Variants in PLA2G7 observed in about 807,000 individuals in gnomAD.
The protein encoded by PLA2G7 is platelet-activating factor acetylhydrolase.
In PLA2G7, 63 loss-of-function variants were observed where a neutral mutation model predicts 49.6. That is an observed-to-expected ratio of 1.27 (90% CI 1.04 to 1.57). The LOEUF is 1.57. PLA2G7 is among the 40% of genes most tolerant of loss of function. The pLI is 0.00. For missense variants in PLA2G7, 596 were observed against 521.2 expected, an observed-to-expected ratio of 1.14 and a Z score of -1.40; for synonymous variants, 193 against 169.9, an observed-to-expected ratio of 1.14 and a Z score of -1.06.
rs1765875962 is a variant in PLA2G7 at position 46,735,000 on chromosome 6, C to G, written c.-35+180G>C. On this transcript the variant is annotated intron_variant, in intron 1 of 11. Coordinates refer to ENST00000274793, the MANE Select transcript of PLA2G7 (RefSeq NM_005084.4). ...AATACCGTCATCCTCTCCCTCTCCC[C>G]GCAAGGATCCTAGCGCTGTTTCCGA... 2.6e-5 allele frequency among the ~76,000 whole-genome samples: 4 copies of G among 152,186 alleles called. No homozygotes were observed. In the South Asian group the frequency reaches 8.3e-4, roughly 32 times the overall value.
intron 2 of PLA2G7, among the ~76,000 whole-genome samples, chr6:46,722,165 C>G (rs1765421362): frequency 6.6e-6 from 1 of 152,142 alleles, no homozygotes; most frequent in Non-Finnish European, 1.5e-5. Flanking sequence ...CTATGCCTTC[C>G]ACCTCTTTCT....
chr6:46,728,322 A>ACTGGCAT (rs1295037660), intron 1 of PLA2G7, among the ~76,000 whole-genome samples: 7 of 152,202 alleles, frequency 4.6e-5, no homozygotes, highest in Non-Finnish European at 8.8e-5. Context: ...GGGGGCTGCT[A>ACTGGCAT]CTGGCATCTA....
chr6:46,709,486 C>G, intron 8 of PLA2G7, 68 bp from the exon 9 acceptor site: 1 of 888,284 alleles, frequency 1.1e-6, no homozygotes, highest in Non-Finnish European at 1.9e-6. Context: ...TTTTGTCAAT[C>G]ATATAATTGT....
chr6:46,719,156 T>C (rs933213879), intron 2 of PLA2G7, among the ~76,000 whole-genome samples: 7 of 152,146 alleles, frequency 4.6e-5, no homozygotes, highest in African/African-American at 1.7e-4. Flanking sequence ...TTCCTTCCAT[T>C]GGATGGTGGG....
At chr6:46,708,681 T>G (rs1319969598) in intron 9 of PLA2G7, among the ~76,000 whole-genome samples, 1 of 152,154 alleles carries the variant, frequency 6.6e-6, no homozygotes, top group Admixed American at 6.5e-5. Flanking sequence ...TTTTTAAAAG[T>G]AAGTTTATCC....
intron 2 of PLA2G7, among the ~76,000 whole-genome samples, chr6:46,717,413 G>C (rs1473070944): frequency 6.6e-6 from 1 of 152,168 alleles, no homozygotes; most frequent in Non-Finnish European, 1.5e-5. Context: ...TCACAAATCT[G>C]TTTTTCCTAA....
intron 1 of PLA2G7, among the ~76,000 whole-genome samples, chr6:46,733,339 G>A (rs569355195): frequency 4.3e-4 from 65 of 152,276 alleles, no homozygotes; most frequent in Non-Finnish European, 6.2e-4. Flanking sequence ...AAAGTCCTGC[G>A]GTGCTAAGCA....
chr6:46,728,194 G>T (rs975370533), intron 1 of PLA2G7, among the ~76,000 whole-genome samples: 1 of 152,164 alleles, frequency 6.6e-6, no homozygotes, highest in Non-Finnish European at 1.5e-5. Context: ...ATAGGATGAA[G>T]GCTGGAGAAT....
chr6:46,716,031 T>C (rs1301036468), intron 4 of PLA2G7, among the ~76,000 whole-genome samples: 1 of 152,212 alleles, frequency 6.6e-6, no homozygotes, highest in African/African-American at 2.4e-5. Flanking sequence ...TCTCTTTTTG[T>C]CTAACTTTAG....
At chr6:46,715,691 A>G (rs754884959) in intron 4 of PLA2G7, among the ~76,000 whole-genome samples, 1 of 152,234 alleles carries the variant, frequency 6.6e-6, no homozygotes, top group African/African-American at 2.4e-5. Flanking sequence ...ATGCAGAGTT[A>G]TGCTATTTTC....
chr6:46,718,050 A>C (rs1765276366), intron 2 of PLA2G7, among the ~76,000 whole-genome samples: 1 of 152,190 alleles, frequency 6.6e-6, no homozygotes, highest in Non-Finnish European at 1.5e-5. Flanking sequence ...TTTTTAGCTT[A>C]GAATGATCTC....
intron 2 of PLA2G7, 126 bp from the exon 3 acceptor site, chr6:46,717,222 C>T (rs1277964174): frequency 1.2e-6 from 1 of 848,348 alleles, no homozygotes; most frequent in Admixed American, 1.9e-5. Flanking sequence ...CTCAACCTAA[C>T]AAGTAAGATA....
At chr6:46,711,313 T>C (rs561412572) in intron 7 of PLA2G7, among the ~76,000 whole-genome samples, 183 bp downstream of exon 7, 1 of 152,354 alleles carries the variant, frequency 6.6e-6, no homozygotes, top group Admixed American at 6.5e-5. Flanking sequence ...TTGTTTTTAC[T>C]ATGAACTAGA....
chr6:46,708,226 C>T, intron 9 of PLA2G7, 65 bp from the exon 10 acceptor site: 1 of 1,207,236 alleles, frequency 8.3e-7, no homozygotes, highest in Non-Finnish European at 1.2e-6. Context: ...TTGAGGACAT[C>T]CTAATAATGC....
chr6:46,725,201 A>G (rs1381550950), intron 1 of PLA2G7, among the ~76,000 whole-genome samples: 2 of 152,154 alleles, frequency 1.3e-5, no homozygotes, highest in Non-Finnish European at 2.9e-5. Flanking sequence ...AAAGACCCAG[A>G]TAGGCAGCTG....
rs144256908 is a variant in PLA2G7 at position 46,717,170 on chromosome 6, C to T, written c.110-74G>A. Reference sequence around the variant, plus strand: ...ATTTTATTATGCAAAAGAATTCCAACGGAATCAAGTTACTTCCCATAGTTT... The same window carrying T: ...ATTTTATTATGCAAAAGAATTCCAATGGAATCAAGTTACTTCCCATAGTTT... On this transcript the variant is annotated intron_variant, in intron 2 of 11. Coordinates refer to ENST00000274793, the MANE Select transcript of PLA2G7 (RefSeq NM_005084.4). The T allele has an allele frequency of 7.0e-5, 95 of 1,351,974 alleles. No homozygotes were observed. The African/African-American group carries it at 1.1e-3, about 15-fold the overall frequency. The allele number at this position is 1,351,974 out of a possible 1,614,324, so 83.7% of individuals were successfully genotyped here. A position where few individuals can be genotyped will look rare whatever the true frequency, so the allele number is the denominator to read the frequency against.
chr6:46,732,214 G>A (rs999196526), intron 1 of PLA2G7, among the ~76,000 whole-genome samples: 2 of 152,046 alleles, frequency 1.3e-5, no homozygotes, highest in Non-Finnish European at 2.9e-5. Flanking sequence ...CATCACACCT[G>A]TTCCCAGGAG....
rs1048497635 is a variant in PLA2G7 at position 46,712,537 on chromosome 6, A to G, written c.471-200T>C. ...AATGTCTGGAGGTATTTTCATTATCATGAATGTGGGCGAGGGTATTTCTGG... is the reference window on the plus strand; with the variant it reads ...AATGTCTGGAGGTATTTTCATTATCGTGAATGTGGGCGAGGGTATTTCTGG... On this transcript the variant is annotated intron_variant, in intron 5 of 11. Transcript: ENST00000274793. Among the ~76,000 whole-genome samples the G allele has an allele frequency of 3.3e-5, 5 of 152,288 alleles. No homozygotes were observed. The South Asian group carries it at 6.2e-4, about 19-fold the overall frequency.
At chr6:46,733,866 C>T (rs1765809393) in intron 1 of PLA2G7, among the ~76,000 whole-genome samples, 1 of 152,228 alleles carries the variant, frequency 6.6e-6, no homozygotes, top group African/African-American at 2.4e-5. Flanking sequence ...CCAGCTCCTA[C>T]CCATATACCA....
Sources: gnomAD v4.1 joint callset for allele counts (sites outside exome capture counted in the v4.1 genomes callset) on GRCh38, gnomAD v4.1.1 for gene constraint, MANE v1.5 for transcripts, NCBI Gene and HGNC (gene_info 2026-07-23, HGNC 2026-07-21) for gene names.